Variants in RASGEF1A observed in about 807,000 individuals in gnomAD.
RASGEF1A encodes the protein ras-GEF domain-containing family member 1A.
In RASGEF1A, 18 loss-of-function variants were observed where a neutral mutation model predicts 56.4. That is an observed-to-expected ratio of 0.32 (90% CI 0.22 to 0.47). The LOEUF (loss-of-function observed/expected upper bound fraction) is 0.47. Ranked by LOEUF, RASGEF1A falls within the 20% of genes least tolerant of loss-of-function variation. The pLI, the probability that RASGEF1A is intolerant of heterozygous loss-of-function variation, is 1.00. For synonymous variants in RASGEF1A, 245 were observed against 242.6 expected (o/e 1.01, Z -0.09); for missense variants, 422 against 627.1 (o/e 0.67, Z 3.49).
chr10:43,243,334 G>T (rs1370214590), intron 1 of RASGEF1A, among the ~76,000 whole-genome samples: 2 of 151,442 alleles, frequency 1.3e-5, no homozygotes, highest in Non-Finnish European at 2.9e-5. Flanking sequence ...CCTCTGCCCG[G>T]CCGCCCCATC....
At chr10:43,249,818 C>T (rs565458191) in intron 1 of RASGEF1A, among the ~76,000 whole-genome samples, 33 of 152,344 alleles carry the variant, frequency 2.2e-4, no homozygotes, top group African/African-American at 7.0e-4. Context: ...GAGGATGTTC[C>T]TGCCCCCACC....
At chr10:43,218,194 C>T (rs1280272672) in intron 1 of RASGEF1A, among the ~76,000 whole-genome samples, 2 of 152,238 alleles carry the variant, frequency 1.3e-5, no homozygotes, top group South Asian at 2.1e-4. Context: ...TATAGGTTTC[C>T]CAGCTGCCTC....
intron 2 of RASGEF1A, 131 bp from the exon 3 acceptor site, chr10:43,203,551 G>C (rs2133186974): frequency 7.3e-7 from 1 of 1,376,520 alleles, no homozygotes; most frequent in East Asian, 2.9e-5. Flanking sequence ...GCCTTCACCT[G>C]CCCGGTTCCC....
chr10:43,232,879 G>A (rs937664837), intron 1 of RASGEF1A, among the ~76,000 whole-genome samples: 9 of 152,026 alleles, frequency 5.9e-5, no homozygotes, highest in Middle Eastern at 3.2e-3. Context: ...CACAGCAGCC[G>A]GGGGGGATCT....
Position 43,198,099 on chromosome 10 carries a change from T to C in RASGEF1A, c.1129A>G (p.Ile377Val). Residue 377 changes from isoleucine to valine, a missense_variant, in exon 10 of 13, where the codon ATC becomes GTC. By Grantham distance (29) the Ile-to-Val change is conservative. This residue lies in a region of RASGEF1A where 149 missense variants were observed against 287.2 expected (regional missense o/e 0.52). Coordinates refer to ENST00000395810, the MANE Select transcript of RASGEF1A (RefSeq NM_145313.4). ...AAGAGGTTGAACACAGGGATGACGA[T>C]CTTTTCACGGCTGCTGTTGGCCATC... ...SQMANSSREK[I>V]VIPVFNLFVK... 1 of 1,614,184 alleles carries C rather than the reference T, an allele frequency of 6.2e-7. No individual in the cohort carries two copies. Among genetic ancestry groups the C allele is most frequent in the South Asian group, 1.1e-5 (1 of 91,074 alleles).
chr10:43,223,615 A>C (rs1357472647), intron 1 of RASGEF1A, among the ~76,000 whole-genome samples: 1 of 152,246 alleles, frequency 6.6e-6, no homozygotes, highest in Non-Finnish European at 1.5e-5. Context: ...ACTAAAAAGC[A>C]AATTAGATGA....
intron 1 of RASGEF1A, among the ~76,000 whole-genome samples, chr10:43,226,549 C>T (rs1934902710): frequency 6.6e-6 from 1 of 152,090 alleles, no homozygotes; most frequent in African/African-American, 2.4e-5. Context: ...TCCCCGGGTT[C>T]CCTCAGGAGC....
At chr10:43,259,864 A>G (rs1836495020) in intron 1 of RASGEF1A, among the ~76,000 whole-genome samples, 1 of 149,762 alleles carries the variant, frequency 6.7e-6, no homozygotes, top group East Asian at 2.0e-4. Context: ...AGGGGAAACC[A>G]CTCACAAAGG....
chr10:43,246,619 C>A (rs1466974780), intron 1 of RASGEF1A, among the ~76,000 whole-genome samples: 1 of 152,142 alleles, frequency 6.6e-6, no homozygotes, highest in African/African-American at 2.4e-5. Flanking sequence ...TAAACCCACA[C>A]CTCCATGGTC....
At chr10:43,264,903 C>G (rs1464396665) in intron 1 of RASGEF1A, among the ~76,000 whole-genome samples, 1 of 152,158 alleles carries the variant, frequency 6.6e-6, no homozygotes, top group Non-Finnish European at 1.5e-5. Flanking sequence ...ACAAATAGGG[C>G]TTCTGTGAAA....
chr10:43,229,335 CCCT>C (rs1464239130), intron 1 of RASGEF1A, among the ~76,000 whole-genome samples: 1 of 152,232 alleles, frequency 6.6e-6, no homozygotes, highest in Non-Finnish European at 1.5e-5. Context: ...GGTTCTGCGC[CCCT>C]CAAGTCGTCC....
At chr10:43,226,751 T>A (rs953562647) in intron 1 of RASGEF1A, among the ~76,000 whole-genome samples, 22 of 152,184 alleles carry the variant, frequency 1.4e-4, no homozygotes, top group Admixed American at 7.8e-4. Context: ...AAACAAGAAG[T>A]AGAGAGCCTG....
chr10:43,206,649 G>C, intron 1 of RASGEF1A: 1 of 989,228 alleles, frequency 1.0e-6, no homozygotes, highest in African/African-American at 1.7e-5. Context: ...ACTGAGGTGG[G>C]AGCCTGGGGC....
intron 4 of RASGEF1A, 146 bp downstream of exon 4, chr10:43,201,662 G>A (rs1839900473): frequency 2.5e-6 from 2 of 815,214 alleles, no homozygotes; most frequent in South Asian, 6.5e-5. Context: ...GGGGAAGGGA[G>A]GTTGAATGGG....
At chr10:43,199,324 G>T in intron 7 of RASGEF1A, 130 bp from the exon 8 acceptor site, 1 of 720,600 alleles carries the variant, frequency 1.4e-6, no homozygotes, top group Non-Finnish European at 2.4e-6. Context: ...GCTGATCCAG[G>T]TCCATGGCTG....
At chr10:43,254,761 CTCCAAGCAGGGG>C (rs1476682410) in intron 1 of RASGEF1A, among the ~76,000 whole-genome samples, 2 of 152,158 alleles carry the variant, frequency 1.3e-5, no homozygotes, top group East Asian at 1.9e-4. Context: ...GTGGGATGAG[CTCCAAGCAGGGG>C]TCCAAGCAGG....
chr10:43,221,183 T>G (rs943092138), intron 1 of RASGEF1A, among the ~76,000 whole-genome samples: 4 of 152,134 alleles, frequency 2.6e-5, no homozygotes, highest in African/African-American at 9.7e-5. Context: ...GCAGCTGGTC[T>G]CCCCATCCCC....
intron 1 of RASGEF1A, among the ~76,000 whole-genome samples, chr10:43,252,758 G>A (rs1840641478): frequency 6.6e-6 from 1 of 152,060 alleles, no homozygotes; most frequent in Non-Finnish European, 1.5e-5. Flanking sequence ...TGGCAATAGA[G>A]CCCCTCCACA....
At chr10:43,218,284 G>C (rs763796348) in intron 1 of RASGEF1A, among the ~76,000 whole-genome samples, 14 of 152,180 alleles carry the variant, frequency 9.2e-5, no homozygotes, top group Admixed American at 3.9e-4. Flanking sequence ...CCCATGCAAG[G>C]GACAGCCAGT....
Sources: gnomAD v4.1 joint callset for allele counts (sites outside exome capture counted in the v4.1 genomes callset) on GRCh38, gnomAD v4.1.1 for gene constraint, gnomAD v4.1.1 regional missense constraint, MANE v1.5 for transcripts, NCBI Gene and HGNC (gene_info 2026-07-23, HGNC 2026-07-21) for gene names.